TSPEAR: variants seen among roughly 807,000 people sequenced by gnomAD.
TSPEAR encodes the protein thrombospondin type laminin G domain and EAR repeats.
TSPEAR carries 69 observed loss-of-function variants against 71.6 expected under a neutral mutation model. The observed-to-expected ratio is 0.96, with a 90% confidence interval of 0.79 to 1.18. TSPEAR has a LOEUF of 1.18. TSPEAR is among the 50% of genes most tolerant of loss of function. TSPEAR has a pLI of 0.00. For synonymous variants in TSPEAR, 402 were observed against 387.2 expected (o/e 1.04, Z -0.45); for missense variants, 971 against 894.9 (o/e 1.09, Z -1.09).
intron 1 of TSPEAR, among the ~76,000 whole-genome samples, chr21:44,589,106 T>TA (rs1979571045): frequency 6.6e-6 from 1 of 152,088 alleles, no homozygotes; most frequent in Non-Finnish European, 1.5e-5. Context: ...ACTAAATTAC[T>TA]AATCCATGTA....
intron 1 of TSPEAR, among the ~76,000 whole-genome samples, chr21:44,680,535 C>T (rs962575249): frequency 1.3e-5 from 2 of 152,128 alleles, no homozygotes; most frequent in Non-Finnish European, 2.9e-5. Context: ...AGCAATCCTG[C>T]TACTATTTAT....
At chr21:44,616,162 C>T (rs1398372047) in intron 1 of TSPEAR, among the ~76,000 whole-genome samples, 3 of 152,186 alleles carry the variant, frequency 2.0e-5, no homozygotes, top group South Asian at 2.1e-4. Context: ...GCTCTCAGCC[C>T]GAGGCCACAT....
At chr21:44,539,880 T>G in intron 2 of TSPEAR, 1 of 1,574,208 alleles carries the variant, frequency 6.4e-7, no homozygotes. Flanking sequence ...GGGGAGGAGG[T>G]GCAGCAAGCC....
chr21:44,671,971 A>T (rs1235036043), intron 1 of TSPEAR, among the ~76,000 whole-genome samples: 1 of 152,194 alleles, frequency 6.6e-6, no homozygotes, highest in African/African-American at 2.4e-5. Context: ...AGTTCAGGAT[A>T]TGAATGAGAA....
At chr21:44,698,135 C>G in intron 1 of TSPEAR, 1 of 674,742 alleles carries the variant, frequency 1.5e-6, no homozygotes, top group Non-Finnish European at 2.5e-6. Flanking sequence ...ACCCTGCCTC[C>G]ACCCACTCCC....
At chr21:44,525,358 TAATC>T (rs1446452951) in intron 8 of TSPEAR, among the ~76,000 whole-genome samples, 2 of 151,944 alleles carry the variant, frequency 1.3e-5, no homozygotes, top group South Asian at 4.2e-4. Context: ...GTTAGGTAGT[TAATC>T]AGCTAGTCAG....
chr21:44,563,042 T>G (rs946864238), intron 2 of TSPEAR, among the ~76,000 whole-genome samples: 2 of 152,174 alleles, frequency 1.3e-5, no homozygotes, highest in Non-Finnish European at 2.9e-5. Context: ...TTGGTGTTGT[T>G]GGGCCTATAA....
chr21:44,682,096 A>T (rs782119693), intron 1 of TSPEAR: 3 of 1,613,876 alleles, frequency 1.9e-6, no homozygotes, highest in Non-Finnish European at 2.5e-6. Context: ...GCTGGCTGGC[A>T]GCCCGAGGAG....
chr21:44,594,983 G>A (rs1174605353), intron 1 of TSPEAR, among the ~76,000 whole-genome samples: 1 of 151,926 alleles, frequency 6.6e-6, no homozygotes, highest in Non-Finnish European at 1.5e-5. Context: ...CACCATGCCT[G>A]GCTAATTTTT....
intron 1 of TSPEAR, among the ~76,000 whole-genome samples, chr21:44,660,484 C>T (rs1461686243): frequency 1.3e-5 from 2 of 152,180 alleles, no homozygotes; most frequent in African/African-American, 4.8e-5. Flanking sequence ...CTTTAAAATA[C>T]TGAAAGAAAA....
intron 7 of TSPEAR, among the ~76,000 whole-genome samples, chr21:44,526,748 G>T (rs1202994780): frequency 6.6e-6 from 1 of 152,184 alleles, no homozygotes; most frequent in Non-Finnish European, 1.5e-5. Context: ...CTGGGAAGAG[G>T]AAACCCCATC....
intron 1 of TSPEAR, among the ~76,000 whole-genome samples, chr21:44,657,520 C>G (rs1985221557): frequency 6.6e-6 from 1 of 152,180 alleles, no homozygotes; most frequent in Admixed American, 6.5e-5. Context: ...GGCAGTGGGC[C>G]AAATGTGGCT....
intron 1 of TSPEAR, chr21:44,600,984 G>T: frequency 6.2e-7 from 1 of 1,612,016 alleles, no homozygotes; most frequent in Non-Finnish European, 8.5e-7. Context: ...TCTGCTGCAA[G>T]CCTGTGTACT....
rs1555915289 is a variant in TSPEAR, at chr21:44,528,694, G to C, written c.791-111C>G. 6 of 1,374,458 alleles carry C rather than the reference G, an allele frequency of 4.4e-6. No homozygotes were observed. In the East Asian group the frequency reaches 1.5e-4, roughly 34 times the overall value. The allele number at this position is 1,374,458 out of a possible 1,614,324, so 85.1% of individuals were successfully genotyped here. On this transcript the variant is annotated intron_variant, in intron 5 of 11. Coordinates refer to ENST00000323084, the MANE Select transcript of TSPEAR (RefSeq NM_144991.3). ...TGCCCTGCCTCAGCCTCTGCATGCG[G>C]GCCTGGAAGGGCCCCTGCAGGCACC...
intron 5 of TSPEAR, 108 bp downstream of exon 5, chr21:44,529,690 G>T: frequency 7.9e-7 from 1 of 1,258,636 alleles, no homozygotes; most frequent in Non-Finnish European, 1.1e-6. Context: ...GATGAGGGGG[G>T]CAGGCACACG....
chr21:44,522,009 C>A lies in TSPEAR; in HGVS notation c.1440G>T (p.Glu480Asp), dbSNP rs782380680. ...ACGAGTAGGGCCCCACACTGAAGAA[C>A]TCCCAGTCGTAGGCGCCGGAGGTGG... The part of the protein sequence containing the change: ...TIATSGAYDW[E>D]FFSVGPYSFL... The change falls in exon 9 of 12, where the codon GAG (glutamate) becomes GAT (aspartate). Residue 480 changes from glutamate (E) to aspartate (D), a missense_variant. Coordinates refer to ENST00000323084, the MANE Select transcript of TSPEAR (RefSeq NM_144991.3). The A allele has an allele frequency of 6.2e-7, 1 of 1,614,164 alleles. No individual in the cohort carries two copies. The highest frequency in any genetic ancestry group is 1.3e-5 in the African/African-American group (1 of 75,028).
At chr21:44,683,135 A>G (rs1986691086) in intron 1 of TSPEAR, among the ~76,000 whole-genome samples, 1 of 152,174 alleles carries the variant, frequency 6.6e-6, no homozygotes, top group Non-Finnish European at 1.5e-5. Flanking sequence ...AACAAAGCCT[A>G]AACCAATTCA....
chr21:44,640,453 AT>A (rs1222709263), intron 1 of TSPEAR, among the ~76,000 whole-genome samples: 5 of 152,340 alleles, frequency 3.3e-5, no homozygotes, highest in Non-Finnish European at 7.3e-5. Flanking sequence ...GTAAAATTAC[AT>A]ATTGGTGATG....
At chr21:44,576,670 G>A (rs893790817) in intron 1 of TSPEAR, among the ~76,000 whole-genome samples, 9 of 152,226 alleles carry the variant, frequency 5.9e-5, no homozygotes, top group Admixed American at 3.9e-4. Flanking sequence ...TTCCCTTCAC[G>A]TGAGCTGAGA....
Sources: allele counts gnomAD v4.1 joint callset (sites outside exome capture counted in the v4.1 genomes callset), GRCh38; gene constraint gnomAD v4.1.1; transcripts MANE v1.5; gene names NCBI Gene and HGNC (gene_info 2026-07-23, HGNC 2026-07-21).